OFD1: variants seen among roughly 807,000 people sequenced by gnomAD.
OFD1 encodes centriole and centriolar satellite protein OFD1.
OFD1 carries 12 observed loss-of-function variants against 81.4 expected under a neutral mutation model. The ratio of observed to expected loss-of-function variants is 0.15; its 90% CI spans 0.09 to 0.24. OFD1 has a LOEUF of 0.24. Among genes scored for constraint, OFD1 ranks in the 10% least tolerant of loss-of-function variants. The pLI is 1.00. For missense variants in OFD1, 685 were observed against 733.9 expected (o/e 0.93, Z 0.77); for synonymous variants, 256 against 263.7 (o/e 0.97, Z 0.28).
At chrX:13,735,961 T>A in intron 2 of OFD1, 1 of 145,096 alleles carries the variant, frequency 6.9e-6, no homozygotes, top group Non-Finnish European at 1.2e-5. Flanking sequence ...CCTTTTTTAA[T>A]TTAAATTATA....
downstream of OFD1, chrX:13,773,246 T>G (rs947852169): frequency 1.4e-5 from 4 of 282,842 alleles, no homozygotes; most frequent in Non-Finnish European, 2.5e-5. Context: ...ACAAACATAG[T>G]GAACTGGAAA....
chrX:13,740,705 A>G (rs758048358), intron 5 of OFD1, among the ~76,000 whole-genome samples: 1 of 109,015 alleles, frequency 9.2e-6, no homozygotes, highest in African/African-American at 3.4e-5. Flanking sequence ...AGGCAGGAGA[A>G]TCGCTTGAAC....
At chrX:13,759,552 C>G (rs1433034268) in intron 15 of OFD1, among the ~76,000 whole-genome samples, 1 of 111,622 alleles carries the variant, frequency 9.0e-6, no homozygotes, top group Admixed American at 9.5e-5. Context: ...TTTAGTCCCC[C>G]CATCTGTAAA....
rs201476486 is a variant in OFD1 at position 13,769,230 on chromosome X, GT to G, written c.*131del. ...TAAAAATGTGTGTAATCCAATGTGG[GT>G]TTTTTTTTCCATAATTAATTTTGAT... On this transcript the variant is annotated 3_prime_UTR_variant, in exon 23 of 23. Coordinates refer to ENST00000340096, the MANE Select transcript of OFD1 (RefSeq NM_003611.3). 93 of 577,448 alleles carry G rather than the reference GT, an allele frequency of 1.6e-4. No homozygotes were observed. The highest frequency in any genetic ancestry group is 3.5e-4 in the South Asian group (13 of 37,080). 47.6% of individuals were successfully genotyped at this position (577,448 alleles called of 1,213,427 possible). A position where few individuals can be genotyped will look rare whatever the true frequency, so the allele number is the denominator to read the frequency against.
At position 13,756,087 on chromosome X, in the gene OFD1, G is replaced by C. The variant is rs186580778; in HGVS notation, c.1222-491G>C. ...CTCATGTCTCAGCTCCCAAGTAGCT[G>C]GGATTTCAGCCATGTGCCACCACAC... is the stretch of plus-strand genomic sequence containing the variant. On this transcript the variant is annotated intron_variant, in intron 12 of 22. Transcript: ENST00000340096. Among the ~76,000 whole-genome samples, 15 of 107,397 alleles carry C rather than the reference G, an allele frequency of 1.4e-4. No individual in the cohort carries two copies. The East Asian group carries it at 4.4e-3, about 31-fold the overall frequency. The allele number at this position is 107,397 out of a possible 115,157, so 93.3% of individuals were successfully genotyped here. A position where few individuals can be genotyped will look rare whatever the true frequency, so the allele number is the denominator to read the frequency against.
chrX:13,719,831 T>C, the OFD1 span: 1 of 955,945 alleles, frequency 1.0e-6, no homozygotes, highest in African/African-American at 2.0e-5. Flanking sequence ...AAAATCATAT[T>C]ATACCATATC....
At chrX:13,766,588 C>T (rs1431733881) in intron 19 of OFD1, among the ~76,000 whole-genome samples, 3 of 110,655 alleles carry the variant, frequency 2.7e-5, no homozygotes, top group Admixed American at 9.6e-5. Flanking sequence ...GGAAGGGCTG[C>T]CGTCAGTTTG....
chrX:13,768,297 C>A, intron 21 of OFD1, 73 bp downstream of exon 21: 1 of 805,099 alleles, frequency 1.2e-6, no homozygotes, highest in Non-Finnish European at 1.9e-6. Context: ...CTTCTTGGGA[C>A]GGGAATCCGT....
chrX:13,716,991 G>A, the OFD1 span, among the ~76,000 whole-genome samples: 1 of 80,594 alleles, frequency 1.2e-5, no homozygotes, highest in East Asian at 4.2e-4. Context: ...GGAAGTTACC[G>A]AATTCTGTAA....
At chrX:13,772,698 C>G, downstream of OFD1, 1 of 354,487 alleles carries the variant, frequency 2.8e-6, no homozygotes, top group Non-Finnish European at 4.9e-6. Context: ...AATATTTGTT[C>G]TAAAGAAAAA....
intron 10 of OFD1, chrX:13,752,579 A>G (rs778833452): frequency 1.7e-5 from 9 of 522,164 alleles, no homozygotes; most frequent in Admixed American, 8.1e-5. Context: ...GTCAGTTTCT[A>G]TACTAAAATA....
At chrX:13,754,413 C>CT (rs869303506) in intron 11 of OFD1, among the ~76,000 whole-genome samples, 4,674 of 90,215 alleles carry the variant, frequency 0.052, 305 homozygotes, top group African/African-American at 0.16. Flanking sequence ...TGGCTACTGT[C>CT]TTTTTTTTTT....
chrX:13,738,006 C>A (rs1010013849), intron 3 of OFD1, among the ~76,000 whole-genome samples: 1 of 110,962 alleles, frequency 9.0e-6, no homozygotes, highest in Non-Finnish European at 1.9e-5. Flanking sequence ...CCCACCACTA[C>A]ACCTGGCTAA....
intron 15 of OFD1, among the ~76,000 whole-genome samples, chrX:13,758,694 CGTG>C (rs1258544199): frequency 9.0e-6 from 1 of 111,217 alleles, no homozygotes; most frequent in African/African-American, 3.3e-5. Context: ...ATAGGAAAGG[CGTG>C]GTGGTAACAT....
intron 13 of OFD1, among the ~76,000 whole-genome samples, chrX:13,757,354 C>T (rs997234247): frequency 1.8e-5 from 2 of 111,851 alleles, no homozygotes; most frequent in Admixed American, 1.9e-4. Context: ...ATAGAGAGCT[C>T]CTTCTGTGCA....
the OFD1 span, among the ~76,000 whole-genome samples, chrX:13,723,423 C>T: frequency 9.0e-6 from 1 of 111,511 alleles, no homozygotes; most frequent in East Asian, 2.9e-4. Flanking sequence ...CCACCTTGGC[C>T]TCCCAAAGTG....
At chrX:13,722,715 C>A in the OFD1 span, among the ~76,000 whole-genome samples, 5 of 111,986 alleles carry the variant, frequency 4.5e-5, no homozygotes, top group African/African-American at 1.6e-4. Context: ...TCTGCGAGGA[C>A]AGAAATGTTC....
intron 8 of OFD1, among the ~76,000 whole-genome samples, chrX:13,749,121 CAAAAAA>C (rs35839446): frequency 4.3e-5 from 3 of 69,075 alleles, no homozygotes; most frequent in Non-Finnish European, 8.5e-5. Flanking sequence ...GACCCTGTCT[CAAAAAA>C]AAAAAAAAAA....
chrX:13,751,873 C>T (rs2047516033), intron 10 of OFD1, among the ~76,000 whole-genome samples: 1 of 112,153 alleles, frequency 8.9e-6, no homozygotes, highest in African/African-American at 3.2e-5. Context: ...AGAAGCACAT[C>T]CTCTGCGCTT....
Sources: allele counts gnomAD v4.1 joint callset (sites outside exome capture counted in the v4.1 genomes callset), GRCh38; gene constraint gnomAD v4.1.1; transcripts MANE v1.5; gene names NCBI Gene and HGNC (gene_info 2026-07-23, HGNC 2026-07-21).